LRMDA: variants seen among roughly 807,000 people sequenced by gnomAD.
LRMDA encodes leucine rich melanocyte differentiation associated.
In LRMDA, 18 loss-of-function variants were observed where a neutral mutation model predicts 29.8. That is an observed-to-expected ratio of 0.60 (90% confidence interval 0.42 to 0.90). The LOEUF (loss-of-function observed/expected upper bound fraction) is 0.90. Among genes scored for constraint, LRMDA ranks in the 40% least tolerant of loss-of-function variants. The pLI is 0.00. For missense variants in LRMDA, 273 were observed against 273.9 expected (o/e 1.00, Z 0.02); for synonymous variants, 125 against 109.4 (o/e 1.14, Z -0.89).
chr10:75,840,638 G>A (rs1439415078), intron 2 of LRMDA, among the ~76,000 whole-genome samples: 6 of 152,118 alleles, frequency 3.9e-5, no homozygotes, highest in Non-Finnish European at 8.8e-5. Context: ...CAAACTGGAG[G>A]GGAAAAAACC....
intron 2 of LRMDA, among the ~76,000 whole-genome samples, chr10:75,778,945 A>C (rs1178144785): frequency 6.6e-6 from 1 of 152,194 alleles, no homozygotes; most frequent in East Asian, 1.9e-4. Flanking sequence ...GGAAGTTCAC[A>C]TTTATCTGGG....
At chr10:75,561,738 T>C (rs1371789659) in intron 2 of LRMDA, among the ~76,000 whole-genome samples, 34 of 152,070 alleles carry the variant, frequency 2.2e-4, no homozygotes, top group Non-Finnish European at 4.9e-4. Flanking sequence ...GTGTCTTTGT[T>C]CTCGTTGGTT....
At chr10:75,867,093 G>T (rs955061632) in intron 2 of LRMDA, among the ~76,000 whole-genome samples, 1 of 152,160 alleles carries the variant, frequency 6.6e-6, no homozygotes, top group Non-Finnish European at 1.5e-5. Context: ...TGGACAGGCA[G>T]TCTCTCTCCT....
At chr10:76,286,838 T>A (rs1840277324) in intron 5 of LRMDA, among the ~76,000 whole-genome samples, 1 of 152,176 alleles carries the variant, frequency 6.6e-6, no homozygotes, top group South Asian at 2.1e-4. Flanking sequence ...TTTCCAAATT[T>A]GTTTCTCCAA....
chr10:76,188,935 T>TACACACACACACACACACAC (rs3998129), intron 5 of LRMDA, among the ~76,000 whole-genome samples: 17 of 141,636 alleles, frequency 1.2e-4, no homozygotes, highest in African/African-American at 4.3e-4. Flanking sequence ...TGATTGCATG[T>TACACACACACACACACACAC]ACACACACAC....
chr10:75,750,180 C>A (rs1008682623), intron 2 of LRMDA, among the ~76,000 whole-genome samples: 4 of 152,004 alleles, frequency 2.6e-5, no homozygotes, highest in African/African-American at 9.7e-5. Context: ...GGCAGAGGGG[C>A]TCCTCACTTC....
intron 6 of LRMDA, among the ~76,000 whole-genome samples, chr10:76,368,632 T>G (rs530139820): frequency 2.0e-5 from 3 of 152,298 alleles, no homozygotes; most frequent in Admixed American, 2.0e-4. Flanking sequence ...TTCCAAGGTA[T>G]AGTTTAAATT....
rs541027626 is a variant in LRMDA at position 76,102,500 on chromosome 10, C to T, written c.516+43717C>T. Reference sequence around the variant, plus strand: ...AACCTGCAGTATTTGGCTTTCTGTTCGTGCATTAGTTTGCTTAGCATAATG... The same window carrying T: ...AACCTGCAGTATTTGGCTTTCTGTTTGTGCATTAGTTTGCTTAGCATAATG... On this transcript the variant is annotated intron_variant, in intron 5 of 6. Coordinates refer to ENST00000611255, the MANE Select transcript of LRMDA (RefSeq NM_001305581.2). Among the ~76,000 whole-genome samples the T allele has an allele frequency of 4.6e-5, 7 of 152,264 alleles. No individual in the cohort carries two copies. In the South Asian group the frequency reaches 8.3e-4, roughly 18 times the overall value.
intron 2 of LRMDA, among the ~76,000 whole-genome samples, chr10:75,780,049 G>T (rs1182662032): frequency 6.6e-6 from 1 of 152,160 alleles, no homozygotes; most frequent in East Asian, 1.9e-4. Context: ...GAAGAGATTG[G>T]AGTGATGCTG....
At chr10:76,409,901 G>A (rs535665363) in intron 6 of LRMDA, among the ~76,000 whole-genome samples, 43 of 152,290 alleles carry the variant, frequency 2.8e-4, no homozygotes, top group Non-Finnish European at 5.7e-4. Context: ...GACTCAATAT[G>A]GTAACAGCTT....
chr10:75,989,787 A>G (rs1847327204), intron 2 of LRMDA, among the ~76,000 whole-genome samples: 1 of 152,214 alleles, frequency 6.6e-6, no homozygotes. Context: ...AGCAACAGTG[A>G]ACTTGAACTT....
At chr10:76,128,634 A>G (rs1849930518) in intron 5 of LRMDA, among the ~76,000 whole-genome samples, 1 of 152,130 alleles carries the variant, frequency 6.6e-6, no homozygotes, top group Non-Finnish European at 1.5e-5. Flanking sequence ...AGTGTGAAAA[A>G]TCCTTGCAAT....
chr10:75,470,521 G>A (rs918980789), intron 2 of LRMDA, among the ~76,000 whole-genome samples: 7 of 152,188 alleles, frequency 4.6e-5, no homozygotes, highest in African/African-American at 9.7e-5. Context: ...CCGTAAAGCC[G>A]AAGGACGGAA....
At chr10:75,510,619 G>C (rs1845214800) in intron 2 of LRMDA, among the ~76,000 whole-genome samples, 2 of 152,222 alleles carry the variant, frequency 1.3e-5, no homozygotes, top group Non-Finnish European at 2.9e-5. Flanking sequence ...AAATCTACCA[G>C]CTCCAAGCTG....
intron 2 of LRMDA, among the ~76,000 whole-genome samples, chr10:75,769,600 TA>T (rs557642210): frequency 1.3e-5 from 2 of 152,346 alleles, no homozygotes; most frequent in African/African-American, 4.8e-5. Flanking sequence ...TAATTTATTT[TA>T]TTTTTTTATA....
intron 2 of LRMDA, among the ~76,000 whole-genome samples, chr10:76,010,758 C>G (rs886303052): frequency 1.3e-5 from 2 of 152,262 alleles, no homozygotes; most frequent in African/African-American, 4.8e-5. Flanking sequence ...ATCCTGACCT[C>G]TGTCACCTCT....
At chr10:75,689,464 A>T (rs1170812287) in intron 2 of LRMDA, among the ~76,000 whole-genome samples, 9 of 152,184 alleles carry the variant, frequency 5.9e-5, no homozygotes. Flanking sequence ...ATCTACATGC[A>T]TGTGAGTCGT....
At chr10:75,653,980 C>T (rs1187693983) in intron 2 of LRMDA, among the ~76,000 whole-genome samples, 1 of 152,140 alleles carries the variant, frequency 6.6e-6, no homozygotes. Context: ...GTAAAGTCCC[C>T]GGGTTGGCCT....
At chr10:75,692,188 C>A (rs1397733728) in intron 2 of LRMDA, among the ~76,000 whole-genome samples, 3 of 123,964 alleles carry the variant, frequency 2.4e-5, no homozygotes, top group Admixed American at 8.9e-5. Flanking sequence ...GGCAACAAAG[C>A]AAGACCTTGT....
Sources: allele counts gnomAD v4.1 joint callset (sites outside exome capture counted in the v4.1 genomes callset), GRCh38; gene constraint gnomAD v4.1.1; transcripts MANE v1.5; gene names NCBI Gene and HGNC (gene_info 2026-07-23, HGNC 2026-07-21).